NAV3: variants seen among roughly 807,000 people sequenced by gnomAD.
The protein encoded by NAV3 is neuron navigator 3.
NAV3 carries 87 observed loss-of-function variants against 244.7 expected under a neutral mutation model. The ratio of observed to expected loss-of-function variants is 0.36; its 90% CI spans 0.30 to 0.42. The LOEUF (loss-of-function observed/expected upper bound fraction) is 0.42, where lower values mean the gene tolerates loss of function less well. Ranked by LOEUF, NAV3 falls within the 20% of genes least tolerant of loss-of-function variation. The probability of loss-of-function intolerance (pLI) is 1.00; values close to 1 mark genes in which losing one functional copy is unlikely to be tolerated. For missense variants in NAV3, 2,663 were observed against 2,893.3 expected (o/e 0.92, Z 1.83); for synonymous variants, 1,126 against 1,042.2 (o/e 1.08, Z -1.55).
At chr12:77,679,534 C>T (rs559039043) in intron 2 of NAV3, among the ~76,000 whole-genome samples, 5 of 148,166 alleles carry the variant, frequency 3.4e-5, no homozygotes, top group Non-Finnish European at 7.4e-5. Context: ...AAGAGAGGCC[C>T]AGAGGACAGT....
At chr12:77,676,323 G>T (rs1468315147) in intron 2 of NAV3, among the ~76,000 whole-genome samples, 1 of 152,042 alleles carries the variant, frequency 6.6e-6, no homozygotes, top group East Asian at 1.9e-4. Context: ...GCTCCACCTT[G>T]ATATTGCCAC....
At chr12:77,681,955 A>G (rs1874490953) in intron 2 of NAV3, among the ~76,000 whole-genome samples, 1 of 152,226 alleles carries the variant, frequency 6.6e-6, no homozygotes, top group African/African-American at 2.4e-5. Context: ...CTATTTACAC[A>G]TGCATTATCT....
rs376968537 is a variant in NAV3, at chr12:78,078,642, A to G, written c.2636+19527A>G. Among the ~76,000 whole-genome samples the G allele has an allele frequency of 2.8e-4, 42 of 151,812 alleles. No homozygotes were observed. The East Asian group carries it at 7.4e-3, about 27-fold the overall frequency. On this transcript the variant is annotated intron_variant, in intron 12 of 39. Transcript: ENST00000397909. ...GATCTCCTGACCTCGTGATCCGCCC[A>G]CCTCGGCCTCCCAAAGTGCTGGGAT...
At chr12:78,116,968 A>AT in intron 13 of NAV3, 64 bp downstream of exon 13, 7 of 1,571,106 alleles carry the variant, frequency 4.5e-6, no homozygotes, top group Non-Finnish European at 6.1e-6. Flanking sequence ...ATTACTTAAT[A>AT]TTAGATTAAG....
chr12:78,084,452 AT>A (rs527777752), intron 12 of NAV3, among the ~76,000 whole-genome samples: 22 of 151,358 alleles, frequency 1.5e-4, no homozygotes, highest in African/African-American at 2.7e-4. Context: ...TGTATCACCA[AT>A]TTTTTTTTGT....
intron 2 of NAV3, among the ~76,000 whole-genome samples, chr12:77,680,826 A>C (rs1874418545): frequency 6.6e-6 from 1 of 152,168 alleles, no homozygotes; most frequent in Non-Finnish European, 1.5e-5. Flanking sequence ...AGGAGTCGAA[A>C]GTGGAGTAGA....
intron 1 of NAV3, among the ~76,000 whole-genome samples, chr12:77,870,925 T>G (rs1880853035): frequency 6.6e-6 from 1 of 152,216 alleles, no homozygotes; most frequent in African/African-American, 2.4e-5. Context: ...CCTTAAAGTT[T>G]TCCTGGAGAC....
At chr12:77,729,270 G>A (rs1877018641) in intron 2 of NAV3, among the ~76,000 whole-genome samples, 1 of 151,886 alleles carries the variant, frequency 6.6e-6, no homozygotes, top group Non-Finnish European at 1.5e-5. Context: ...TATAGGTTTG[G>A]CAATCATCAG....
intron 3 of NAV3, among the ~76,000 whole-genome samples, chr12:77,959,738 A>G (rs1891703669): frequency 6.6e-6 from 1 of 151,668 alleles, no homozygotes; most frequent in Non-Finnish European, 1.5e-5. Context: ...CCCACACATC[A>G]TTTCAATTTT....
chr12:77,765,058 G>A (rs778677880), intron 2 of NAV3, among the ~76,000 whole-genome samples: 5 of 152,216 alleles, frequency 3.3e-5, no homozygotes, highest in Non-Finnish European at 5.9e-5. Flanking sequence ...TATTTGGAAA[G>A]GGGAAGTCCC....
intron 9 of NAV3, chr12:78,036,732 C>G: frequency 3.4e-6 from 2 of 590,048 alleles, no homozygotes; most frequent in Non-Finnish European, 6.0e-6. Context: ...TCTCTAGAAT[C>G]TTCTGTGAAT....
intron 37 of NAV3, 130 bp from the exon 38 acceptor site, chr12:78,200,339 TAATC>T: frequency 2.1e-6 from 1 of 484,584 alleles, no homozygotes; most frequent in Non-Finnish European, 3.6e-6. Flanking sequence ...GCTTTAATAA[TAATC>T]AAGCTGGCCA....
rs762527287 is a variant in NAV3 at position 77,873,773 on chromosome 12, T to TATATATATATATATAA, written c.243+42070_243+42071insTATATATATATATAAA. On this transcript the variant is annotated intron_variant, in intron 1 of 39. Transcript: ENST00000397909. ...ATATATATATATATATATATGTATA[T>TATATATATATATATAA]AACAGCATATGCATTATGTGAAATT... 2.2e-3 allele frequency among the ~76,000 whole-genome samples: 281 copies of TATATATATATATATAA among 128,546 alleles called. 8 individuals carry two copies. Among genetic ancestry groups the TATATATATATATATAA allele is most frequent in the African/African-American group, 7.2e-3 (251 of 34,712 alleles). 84.3% of individuals were successfully genotyped at this position (128,546 alleles called of 152,430 possible).
At chr12:78,143,384 A>T (rs1418040129) in intron 20 of NAV3, 3 of 450,082 alleles carry the variant, frequency 6.7e-6, no homozygotes, top group Non-Finnish European at 1.3e-5. Flanking sequence ...TAATCTCAAC[A>T]CTTTGGGAGG....
intron 12 of NAV3, chr12:78,091,440 T>C (rs1953926815): frequency 1.3e-5 from 2 of 152,188 alleles, no homozygotes; most frequent in Admixed American, 6.5e-5. Flanking sequence ...GGATGCTCAA[T>C]TGACCAATAA....
chr12:77,837,600 A>C (rs7955529), intron 1 of NAV3, among the ~76,000 whole-genome samples: 32,089 of 152,140 alleles, frequency 0.21, 4,382 homozygotes, highest in Non-Finnish European at 0.3. Context: ...AGAATGTGGT[A>C]GAATAGAGAT....
At chr12:78,189,367 A>G (rs1249785967) in intron 33 of NAV3, among the ~76,000 whole-genome samples, 3 of 151,838 alleles carry the variant, frequency 2.0e-5, no homozygotes, top group African/African-American at 7.2e-5. Flanking sequence ...ATTTGTCAAT[A>G]TTTGATTTTA....
chr12:78,202,862 T>C (rs996285864), intron 38 of NAV3, among the ~76,000 whole-genome samples: 1 of 152,086 alleles, frequency 6.6e-6, no homozygotes, highest in African/African-American at 2.4e-5. Context: ...AAAGGAATTA[T>C]ATCTGTCGTG....
In NAV3 at chr12:77,627,590, G is replaced by C. The variant is rs117239385; in HGVS notation, c.72+55324G>C. ...GAAAAACTAAACAGACCAATACTAA[G>C]TAATGAGGATGAGTTAGTAAACAAT... On this transcript the variant is annotated intron_variant, in intron 2 of 8. Transcript: ENST00000550042. 9.1e-4 allele frequency among the ~76,000 whole-genome samples: 139 copies of C among 152,184 alleles called. 1 individual carries two copies. The highest frequency in any genetic ancestry group is 1.7e-3 in the Non-Finnish European group (115 of 67,956).
Sources: allele counts gnomAD v4.1 joint callset (sites outside exome capture counted in the v4.1 genomes callset), GRCh38; gene constraint gnomAD v4.1.1; transcripts MANE v1.5; gene names NCBI Gene and HGNC (gene_info 2026-07-23, HGNC 2026-07-21).